STIL: variants seen among roughly 807,000 people sequenced by gnomAD.
STIL encodes SCL-interrupting locus protein.
In STIL, 55 loss-of-function variants were observed where a neutral mutation model predicts 110.1. That is an observed-to-expected ratio of 0.50 (90% CI 0.40 to 0.63). The LOEUF is 0.63. Among genes scored for constraint, STIL ranks in the 20% least tolerant of loss-of-function variants. STIL has a pLI of 0.00. For synonymous variants in STIL, 481 were observed against 530.0 expected, an observed-to-expected ratio of 0.91 and a Z score of 1.27; for missense variants, 1,358 against 1,530.0, an observed-to-expected ratio of 0.89 and a Z score of 1.87.
At chr1:47,305,725 C>CCAAAAAATA (rs1553182711) in intron 2 of STIL, among the ~76,000 whole-genome samples, 2 of 43,412 alleles carry the variant, frequency 4.6e-5, no homozygotes, top group Non-Finnish European at 3.7e-5. Flanking sequence ...CACGCCTGGC[C>CCAAAAAATA]TTTTTTTTTT....
Position 47,290,755 on chromosome 1 carries a change from C to T in STIL, c.873-1170G>A, listed in dbSNP as rs541527589. ...AATCTAAGAGAAAAATGGCTAAAGACATGACTAGGCAGTTCCTGGAAGATG... is the reference window on the plus strand; with the variant it reads ...AATCTAAGAGAAAAATGGCTAAAGATATGACTAGGCAGTTCCTGGAAGATG... On this transcript the variant is annotated intron_variant, in intron 8 of 16. Transcript: ENST00000371877. Among the ~76,000 whole-genome samples, 81 of 151,068 alleles carry T rather than the reference C, an allele frequency of 5.4e-4. 1 individual carries two copies. The South Asian group carries it at 0.016, about 31-fold the overall frequency.
chr1:47,280,100 G>A, intron 12 of STIL, 141 bp downstream of exon 12: 1 of 1,098,906 alleles, frequency 9.1e-7, no homozygotes, highest in Non-Finnish European at 1.3e-6. Context: ...AAAACAAGAG[G>A]GCCTAGAATT....
intron 7 of STIL, among the ~76,000 whole-genome samples, chr1:47,294,104 T>C (rs1645573833): frequency 6.6e-6 from 1 of 152,212 alleles, no homozygotes; most frequent in African/African-American, 2.4e-5. Flanking sequence ...TGCATTCTCA[T>C]TCACTTTGCA....
intron 12 of STIL, among the ~76,000 whole-genome samples, chr1:47,273,325 A>G (rs1557727558): frequency 6.6e-6 from 1 of 152,188 alleles, no homozygotes. Flanking sequence ...CATTTTCATC[A>G]AACCCCCAAA....
chr1:47,314,033 T>A lies in STIL; in HGVS notation c.-44+3A>T, dbSNP rs1237816226. The A allele has an allele frequency of 6.6e-6, 1 of 152,408 alleles. No individual in the cohort carries two copies. Among genetic ancestry groups the A allele is most frequent in the African/African-American group, 2.4e-5 (1 of 41,458 alleles). 9.4% of individuals were successfully genotyped at this position (152,408 alleles called of 1,614,324 possible). A position where few individuals can be genotyped will look rare whatever the true frequency, so the allele number is the denominator to read the frequency against. ...GAAACCAGGAGCACAAAGCTCCACT[T>A]ACCGCAACTTCCGCGGAGCTGAGGT... On this transcript the variant is annotated splice_donor_region_variant and intron_variant, in intron 1 of 16. Coordinates refer to ENST00000371877, the MANE Select transcript of STIL (RefSeq NM_001048166.1).
intron 9 of STIL, 54 bp downstream of exon 9, chr1:47,289,381 C>G: frequency 5.8e-6 from 9 of 1,544,378 alleles, no homozygotes; most frequent in Non-Finnish European, 8.0e-6. Context: ...TTTAAACTGC[C>G]AAAGTGCAAA....
intron 15 of STIL, among the ~76,000 whole-genome samples, chr1:47,261,394 A>T (rs934063246): frequency 1.3e-5 from 2 of 152,092 alleles, no homozygotes; most frequent in African/African-American, 4.8e-5. Flanking sequence ...TCTAAAAAAA[A>T]TAAATAAATA....
chr1:47,293,609 T>C (rs1287607598), intron 7 of STIL, 65 bp from the exon 8 acceptor site: 1 of 1,326,770 alleles, frequency 7.5e-7, no homozygotes, highest in South Asian at 1.2e-5. Context: ...TTTACATTCT[T>C]CCTAAGATAA....
rs976425214 is a variant in STIL, at chr1:47,281,245, T to G, written c.1249-36A>C. On this transcript the variant is annotated intron_variant, in intron 11 of 16. Coordinates refer to ENST00000371877, the MANE Select transcript of STIL (RefSeq NM_001048166.1). The stretch of plus-strand genomic sequence containing the variant: ...GAAAGAAATAGAAAAAAAAAGTATT[T>G]TTTTGGAGAAACTGTATACTTTACT... 3 of 1,589,366 alleles carry G rather than the reference T, an allele frequency of 1.9e-6. No individual in the cohort carries two copies. In the East Asian group the frequency reaches 6.8e-5, roughly 36 times the overall value.
chr1:47,280,956 C>T lies in STIL; in HGVS notation c.1502G>A (p.Arg501Lys). The T allele has an allele frequency of 2.5e-6, 4 of 1,613,962 alleles. No individual in the cohort carries two copies. Among genetic ancestry groups the T allele is most frequent in the Non-Finnish European group, 3.4e-6 (4 of 1,179,992 alleles). The change falls in exon 12 of 17, where the codon AGA becomes AAA. Residue 501 changes from arginine to lysine, a missense_variant. Arg to Lys is a conservative substitution (Grantham distance 26). Coordinates refer to ENST00000371877, the MANE Select transcript of STIL (RefSeq NM_001048166.1). ...QLNQDKPALLRHCKVRQPPAY... is the reference protein window; with the variant it reads ...QLNQDKPALLKHCKVRQPPAY... ...AGGTGGCTGTCTTACTTTGCAGTGT[C>T]TCAAAAGAGCTGGTTTATCCTGGTT...
At chr1:47,298,271 G>A (rs1166399826) in intron 6 of STIL, among the ~76,000 whole-genome samples, 1 of 152,138 alleles carries the variant, frequency 6.6e-6, no homozygotes, top group Non-Finnish European at 1.5e-5. Flanking sequence ...AGCAGTCTCT[G>A]GTCAAACTTT....
Position 47,281,148 on chromosome 1 carries a change from T to A in STIL, c.1310A>T (p.Glu437Val). 4 of 1,613,982 alleles carry A rather than the reference T, an allele frequency of 2.5e-6. No individual in the cohort carries two copies. Among genetic ancestry groups the A allele is most frequent in the Middle Eastern group, 1.7e-4 (1 of 6,060 alleles). ...LSLVLDGNFI[E>V]SNPLPTPLEM... Reference sequence around the variant, plus strand: ...CAATGGAGTAGGCAGAGGGTTTGATTCTATGAAATTGCCATCCAACACAAG... The same window carrying A: ...CAATGGAGTAGGCAGAGGGTTTGATACTATGAAATTGCCATCCAACACAAG... The change falls in exon 12 of 17, where the codon GAA (glutamate) becomes GTA (valine). Residue 437 changes from glutamate (E) to valine (V), a missense_variant. Glu to Val is a moderately radical substitution (Grantham distance 121). Transcript: ENST00000371877.
In STIL at chr1:47,302,316, G is replaced by C. The variant is rs1645829495; in HGVS notation, c.183C>G (p.Thr61=). ...TAGCATGACGATAAGCAAGTCGGAT[G>C]GTCTTCTCAGTCACCACAAGCTTTG... is the stretch of plus-strand genomic sequence containing the variant. The part of the protein sequence containing the change: ...RNPKLVVTEK[T]IRLAYRHAKQ... Residue 61 remains threonine (T), a synonymous_variant, in exon 4 of 17, where the codon ACC becomes ACG. Transcript: ENST00000371877. The C allele has an allele frequency of 2.5e-6, 4 of 1,613,952 alleles. No individual in the cohort carries two copies. The highest frequency in any genetic ancestry group is 3.4e-6 in the Non-Finnish European group (4 of 1,179,950).
chr1:47,309,511 T>C (rs1446923474), intron 2 of STIL, among the ~76,000 whole-genome samples: 1 of 152,082 alleles, frequency 6.6e-6, no homozygotes, highest in Non-Finnish European at 1.5e-5. Flanking sequence ...ATAGCCTCCT[T>C]GGGTCATGTT....
chr1:47,261,567 C>G (rs904828457), intron 15 of STIL, among the ~76,000 whole-genome samples: 1 of 151,346 alleles, frequency 6.6e-6, no homozygotes, highest in Non-Finnish European at 1.5e-5. Flanking sequence ...TGGTGAAACC[C>G]CATCTCTGCT....
At chr1:47,291,133 G>A (rs1005414577) in intron 8 of STIL, among the ~76,000 whole-genome samples, 1 of 152,196 alleles carries the variant, frequency 6.6e-6, no homozygotes, top group African/African-American at 2.4e-5. Flanking sequence ...GCCAAGGCAG[G>A]CAGATCACCT....
chr1:47,277,041 C>T (rs1645015064), intron 12 of STIL, among the ~76,000 whole-genome samples: 1 of 152,076 alleles, frequency 6.6e-6, no homozygotes, highest in South Asian at 2.1e-4. Flanking sequence ...AACGATTACA[C>T]ATCAAGTACT....
At chr1:47,283,343 T>C (rs1350224578) in intron 10 of STIL, 2 of 152,152 alleles carry the variant, frequency 1.3e-5, no homozygotes, top group Admixed American at 6.5e-5. Context: ...TACAAGGTAT[T>C]ACAATGAAGC....
At chr1:47,294,002 G>C (rs1455135907) in intron 7 of STIL, among the ~76,000 whole-genome samples, 1 of 152,108 alleles carries the variant, frequency 6.6e-6, no homozygotes. Context: ...AAGAGAGAAG[G>C]CTCTTAATAT....
Sources: gnomAD v4.1 joint callset for allele counts (sites outside exome capture counted in the v4.1 genomes callset) on GRCh38, gnomAD v4.1.1 for gene constraint, MANE v1.5 for transcripts, NCBI Gene and HGNC (gene_info 2026-07-23, HGNC 2026-07-21) for gene names.